AATF: variants seen among roughly 807,000 people sequenced by gnomAD.
The protein encoded by AATF is protein AATF.
AATF carries 48 observed loss-of-function variants against 63.7 expected under a neutral mutation model. The observed-to-expected ratio is 0.75, with a 90% CI of 0.60 to 0.96. AATF has a LOEUF of 0.96. Among genes scored for constraint, AATF ranks in the 40% least tolerant of loss-of-function variants. The probability of loss-of-function intolerance (pLI) is 0.00; values close to 1 mark genes in which losing one functional copy is unlikely to be tolerated. For synonymous variants in AATF, 258 were observed against 247.7 expected (o/e 1.04, Z -0.39); for missense variants, 639 against 685.7 (o/e 0.93, Z 0.76).
At chr17:36,954,731 C>T (rs780689174) in intron 4 of AATF, among the ~76,000 whole-genome samples, 2 of 152,088 alleles carry the variant, frequency 1.3e-5, no homozygotes, top group South Asian at 4.2e-4. Context: ...ATGACTTGCC[C>T]AAAGTTGCAG....
At chr17:37,050,397 G>A (rs2071738016) in intron 11 of AATF, among the ~76,000 whole-genome samples, 1 of 152,174 alleles carries the variant, frequency 6.6e-6, no homozygotes, top group South Asian at 2.1e-4. Flanking sequence ...TATACCTGTA[G>A]TATGTTAGGT....
chr17:37,002,018 A>G (rs902596359), intron 8 of AATF, among the ~76,000 whole-genome samples: 8 of 152,076 alleles, frequency 5.3e-5, no homozygotes, highest in African/African-American at 1.9e-4. Context: ...CCTGGCCAAC[A>G]TGGTGAAACC....
intron 4 of AATF, among the ~76,000 whole-genome samples, chr17:36,966,415 C>A (rs2070991768): frequency 6.6e-6 from 1 of 151,740 alleles, no homozygotes; most frequent in African/African-American, 2.4e-5. Context: ...CATGTGTGTG[C>A]CACTGTGCCT....
intron 10 of AATF, among the ~76,000 whole-genome samples, chr17:37,025,882 G>A (rs2071507112): frequency 6.6e-6 from 1 of 152,114 alleles, no homozygotes; most frequent in African/African-American, 2.4e-5. Flanking sequence ...AGGAGAAACT[G>A]TATTTATTTG....
intron 8 of AATF, among the ~76,000 whole-genome samples, chr17:37,011,065 G>A (rs564163371): frequency 6.6e-6 from 1 of 152,284 alleles, no homozygotes; most frequent in Admixed American, 6.5e-5. Context: ...TGTTTCTCCA[G>A]TGTGCTCAAA....
At chr17:37,025,372 C>G (rs967072973) in intron 10 of AATF, among the ~76,000 whole-genome samples, 6 of 152,066 alleles carry the variant, frequency 3.9e-5, no homozygotes, top group African/African-American at 1.4e-4. Flanking sequence ...TTGCTGTTTA[C>G]CCAGGGAGGG....
At chr17:36,959,670 C>A (rs1050756800) in intron 4 of AATF, among the ~76,000 whole-genome samples, 4 of 152,116 alleles carry the variant, frequency 2.6e-5, no homozygotes, top group African/African-American at 9.7e-5. Flanking sequence ...CCTTTTAGTG[C>A]AATGCATGTT....
chr17:36,950,335 T>C lies in AATF; in HGVS notation c.213T>C (p.Tyr71=), dbSNP rs960614056. The change falls in exon 2 of 12, where the codon TAT becomes TAC. Residue 71 remains tyrosine (Y), a synonymous_variant. Transcript: ENST00000619387. ...SASLLDTDKR[Y]CGKTTSRKAW... is the part of the protein sequence containing the mutation. ...CCCTCTTGGACACGGACAAAAGGTA[T>C]TGCGGCAAAACCACCTCTAGAAAAG... is the stretch of plus-strand genomic sequence containing the variant. 2 of 1,614,158 alleles carry C rather than the reference T, an allele frequency of 1.2e-6. No individual in the cohort carries two copies. Among genetic ancestry groups the C allele is most frequent in the African/African-American group, 1.3e-5 (1 of 75,020 alleles).
chr17:37,017,488 C>T (rs1453359047), intron 8 of AATF, among the ~76,000 whole-genome samples: 1 of 152,040 alleles, frequency 6.6e-6, no homozygotes. Flanking sequence ...CTGTGTAACA[C>T]TGGATTTGGA....
At chr17:36,966,130 C>CT (rs2070989692) in intron 4 of AATF, among the ~76,000 whole-genome samples, 1 of 151,980 alleles carries the variant, frequency 6.6e-6, no homozygotes, top group African/African-American at 2.4e-5. Flanking sequence ...TGTTGTGTCT[C>CT]TTATGTGTTA....
chr17:36,968,920 G>A (rs183547321), intron 4 of AATF, among the ~76,000 whole-genome samples: 5 of 152,216 alleles, frequency 3.3e-5, no homozygotes, highest in African/African-American at 7.2e-5. Flanking sequence ...GAACTTTAGC[G>A]CCTGGCCTAT....
At position 36,953,016 on chromosome 17, in the gene AATF, G is replaced by T. The variant is rs759852545; in HGVS notation, c.414G>T (p.Lys138Asn). 6.2e-7 allele frequency: 1 copy of T among 1,614,174 alleles called. No individual in the cohort carries two copies. Among genetic ancestry groups the T allele is most frequent in the Non-Finnish European group, 8.5e-7 (1 of 1,180,030 alleles). Reference protein sequence around the residue: ...QECGDHRESKKSRSHSAKTPG... With the variant: ...QECGDHRESKNSRSHSAKTPG... ...GTGGTGATCACAGGGAGAGCAAGAA[G>T]AGCAGAAGCCACTCTGCAAAAACAC... The change falls in exon 3 of 12, where the codon AAG (lysine) becomes AAT (asparagine). Residue 138 changes from lysine to asparagine, a missense_variant. By Grantham distance (94) the Lys-to-Asn change is moderately conservative. Transcript: ENST00000619387.
In AATF at chr17:36,995,208, T is replaced by C. The variant is rs2071245296; in HGVS notation, c.1398+4351T>C. Reference sequence around the variant, plus strand: ...TAGAGAACGGCATAATAGGTTTTGCTCTTTTGATGACCACTTTGACGGGTT... The same window carrying C: ...TAGAGAACGGCATAATAGGTTTTGCCCTTTTGATGACCACTTTGACGGGTT... On this transcript the variant is annotated intron_variant, in intron 8 of 11. Coordinates refer to ENST00000619387, the MANE Select transcript of AATF (RefSeq NM_012138.4). Among the ~76,000 whole-genome samples, 3 of 152,220 alleles carry C rather than the reference T, an allele frequency of 2.0e-5. No individual in the cohort carries two copies. The South Asian group carries it at 6.2e-4, about 32-fold the overall frequency.
chr17:37,037,103 G>C (rs943059547), intron 11 of AATF, among the ~76,000 whole-genome samples: 1 of 151,566 alleles, frequency 6.6e-6, no homozygotes, highest in Non-Finnish European at 1.5e-5. Flanking sequence ...CCGCCTCCTG[G>C]GTTCAAGTGA....
intron 8 of AATF, among the ~76,000 whole-genome samples, chr17:37,017,812 T>C (rs1219202835): frequency 6.6e-6 from 1 of 152,234 alleles, no homozygotes; most frequent in African/African-American, 2.4e-5. Flanking sequence ...TTGTTTTACT[T>C]CTTCCAGTGC....
In AATF at chr17:36,953,773, T is replaced by C; in HGVS notation, c.698T>C (p.Leu233Pro). 6.2e-7 allele frequency: 1 copy of C among 1,613,686 alleles called. No homozygotes were observed. Among genetic ancestry groups the C allele is most frequent in the Non-Finnish European group, 8.5e-7 (1 of 1,179,882 alleles). ...KGRAVKNQIA[L>P]WDQLLEGRIK... ...GATTCTCTTTTCTTCTTTTCAGCAC[T>C]GTGGGACCAGCTCTTGGAAGGAAGG... Residue 233 changes from leucine (L) to proline (P), a missense_variant, in exon 4 of 12, where the codon CTG becomes CCG. Coordinates refer to ENST00000619387, the MANE Select transcript of AATF (RefSeq NM_012138.4).
At chr17:36,961,455 G>A (rs150914484) in intron 4 of AATF, among the ~76,000 whole-genome samples, 1 of 152,280 alleles carries the variant, frequency 6.6e-6, no homozygotes, top group Admixed American at 6.5e-5. Flanking sequence ...ATTTCAATAT[G>A]TGATCAATAT....
intron 10 of AATF, chr17:37,021,251 C>A: frequency 7.5e-6 from 3 of 397,954 alleles, no homozygotes; most frequent in South Asian, 1.6e-4. Context: ...TATATGCATT[C>A]CCTTGAAAGA....
intron 8 of AATF, among the ~76,000 whole-genome samples, chr17:36,993,869 T>C (rs1013166228): frequency 6.6e-6 from 1 of 152,196 alleles, no homozygotes; most frequent in Non-Finnish European, 1.5e-5. Context: ...CTACTGAGAA[T>C]GATGTGTGGG....
Sources: allele counts gnomAD v4.1 joint callset (sites outside exome capture counted in the v4.1 genomes callset), GRCh38; gene constraint gnomAD v4.1.1; transcripts MANE v1.5; gene names NCBI Gene and HGNC (gene_info 2026-07-23, HGNC 2026-07-21).